The following PRRG2 variants were observed in gnomAD, a reference collection of about 807,000 sequenced individuals.
PRRG2 encodes proline rich and Gla domain 2.
PRRG2 carries 23 observed loss-of-function variants against 27.1 expected under a neutral mutation model. The observed-to-expected ratio is 0.85, with a 90% confidence interval of 0.61 to 1.20. The LOEUF (loss-of-function observed/expected upper bound fraction) is 1.20, where lower values mean the gene tolerates loss of function less well. Ranked by LOEUF, PRRG2 falls within the 50% of genes most tolerant of loss-of-function variation. PRRG2 has a pLI of 0.00. For synonymous variants in PRRG2, 104 were observed against 103.4 expected, an observed-to-expected ratio of 1.01 and a Z score of -0.03; for missense variants, 276 against 254.8, an observed-to-expected ratio of 1.08 and a Z score of -0.57.
chr19:49,584,544 C>T (rs1347096590), intron 4 of PRRG2, among the ~76,000 whole-genome samples: 1 of 152,186 alleles, frequency 6.6e-6, no homozygotes, highest in Non-Finnish European at 1.5e-5. Flanking sequence ...TCTTGGCTCA[C>T]TGCAGCCTCA....
upstream of PRRG2, chr19:49,580,753 G>A (rs965540283): frequency 5.3e-5 from 8 of 152,236 alleles, no homozygotes; most frequent in African/African-American, 1.7e-4. Context: ...GTGGGAATAT[G>A]GGGAACGCTT....
chr19:49,582,367 C>T (rs1422977014), intron 1 of PRRG2, among the ~76,000 whole-genome samples: 1 of 151,938 alleles, frequency 6.6e-6, no homozygotes, highest in African/African-American at 2.4e-5. Context: ...CCTCTGTCTC[C>T]CCTTTCAAGT....
In PRRG2 at chr19:49,588,094, T is replaced by A. The variant is rs532269971; in HGVS notation, c.302-403T>A. Among the ~76,000 whole-genome samples, 4 of 152,122 alleles carry A rather than the reference T, an allele frequency of 2.6e-5. No homozygotes were observed. The East Asian group carries it at 7.8e-4, about 30-fold the overall frequency. ...CTCCTGTGTCAGCCTCCCAGATAAC[T>A]GGGATTACAGGCATATACCACCATG... On this transcript the variant is annotated intron_variant, in intron 4 of 6. Transcript: ENST00000246794.
At chr19:49,587,372 C>T (rs2080678864) in intron 4 of PRRG2, among the ~76,000 whole-genome samples, 1 of 144,490 alleles carries the variant, frequency 6.9e-6, no homozygotes, top group Admixed American at 7.0e-5. Flanking sequence ...TCTCTGTCAT[C>T]CAGCCTGGAG....
chr19:49,583,491 T>C, intron 2 of PRRG2, 51 bp from the exon 3 acceptor site: 1 of 1,598,626 alleles, frequency 6.3e-7, no homozygotes, highest in East Asian at 2.2e-5. Flanking sequence ...CCCCTATGAC[T>C]CCAGCCCTAG....
At chr19:49,588,725 G>A in intron 5 of PRRG2, 93 bp downstream of exon 5, 1 of 1,393,022 alleles carries the variant, frequency 7.2e-7, no homozygotes, top group Non-Finnish European at 9.4e-7. Flanking sequence ...TTGGGGGCAG[G>A]CAGGCACTGA....
Position 49,583,233 on chromosome 19 carries a change from C to A in PRRG2, c.14C>A (p.Pro5His). ...TGTCTGGAAAATATGAGGGGCCACC[C>A]CTCTCTGCTGCTGCTATATATGGCA... is the stretch of plus-strand genomic sequence containing the variant. MRGH[P>H]SLLLLYMALT... is the part of the protein sequence containing the mutation. Residue 5 changes from proline (P) to histidine (H), a missense_variant, in exon 2 of 7, where the codon CCC becomes CAC. Pro to His is a moderately conservative substitution (Grantham distance 77). Transcript: ENST00000246794. The A allele has an allele frequency of 6.2e-7, 1 of 1,614,026 alleles. No homozygotes were observed. Among genetic ancestry groups the A allele is most frequent in the South Asian group, 1.1e-5 (1 of 91,072 alleles).
intron 4 of PRRG2, among the ~76,000 whole-genome samples, chr19:49,585,042 TCTTGTTGCCAGC>T (rs1242198138): frequency 2.6e-5 from 4 of 152,132 alleles, no homozygotes; most frequent in African/African-American, 7.2e-5. Flanking sequence ...CTTGTTCCCA[TCTTGTTGCCAGC>T]CTTGTTGCTA....
intron 3 of PRRG2, 93 bp from the exon 4 acceptor site, chr19:49,583,820 G>T (rs951837522): frequency 1.9e-6 from 3 of 1,603,760 alleles, no homozygotes; most frequent in African/African-American, 2.7e-5. Flanking sequence ...CCTCCTTGGT[G>T]TCTCAGAAAT....
At chr19:49,590,216 A>G in intron 6 of PRRG2, 155 bp from the exon 7 acceptor site, 3 of 1,427,870 alleles carry the variant, frequency 2.1e-6, no homozygotes, top group Non-Finnish European at 2.9e-6. Context: ...GGCGTGGCCC[A>G]GCGTTGTATG....
chr19:49,589,966 C>A lies in PRRG2; in HGVS notation c.504C>A (p.Pro168=). 6.5e-7 allele frequency: 1 copy of A among 1,540,462 alleles called. No homozygotes were observed. Residue 168 remains proline, a synonymous_variant, in exon 6 of 7, where the codon CCC becomes CCA. Coordinates refer to ENST00000246794, the MANE Select transcript of PRRG2 (RefSeq NM_000951.3). ...GCCCACCGACGCCCCTGCCTCCACC[C>A]CCACCCCCACCCCCAGGCCTCCCCA... ...PLGPPTPLPP[P]PPPPPGLPTY...
intron 6 of PRRG2, 63 bp downstream of exon 6, chr19:49,590,115 C>G: frequency 1.4e-6 from 2 of 1,440,964 alleles, no homozygotes; most frequent in Non-Finnish European, 1.8e-6. Flanking sequence ...GGAGGAGGAA[C>G]CTGGGCTCAG....
At position 49,590,409 on chromosome 19, in the gene PRRG2, G is replaced by A; in HGVS notation, c.*20G>A. The A allele has an allele frequency of 1.2e-6, 2 of 1,614,060 alleles. No homozygotes were observed. Among genetic ancestry groups the A allele is most frequent in the African/African-American group, 1.3e-5 (1 of 75,038 alleles). ...CACTGAAGAGCTGCTTTCGAGACCC[G>A]GCTCTCCGAACCGTGCCCCTGATTC... On this transcript the variant is annotated 3_prime_UTR_variant, in exon 7 of 7. Coordinates refer to ENST00000246794, the MANE Select transcript of PRRG2 (RefSeq NM_000951.3).
At chr19:49,584,331 C>T (rs1395229212) in intron 4 of PRRG2, among the ~76,000 whole-genome samples, 3 of 151,918 alleles carry the variant, frequency 2.0e-5, no homozygotes, top group African/African-American at 4.8e-5. Flanking sequence ...CCACCACACC[C>T]GGCTAATTTT....
chr19:49,584,013 G>C (rs761149010), intron 4 of PRRG2, 61 bp downstream of exon 4: 6 of 1,511,184 alleles, frequency 4.0e-6, no homozygotes, highest in Non-Finnish European at 5.4e-6. Flanking sequence ...TCCCAGCGAG[G>C]CCAAACCAAC....
Position 49,581,349 on chromosome 19 carries a change from C to T in PRRG2, c.-146C>T, listed in dbSNP as rs1048431242. 1 of 152,300 alleles carries T rather than the reference C, an allele frequency of 6.6e-6. No homozygotes were observed. Among genetic ancestry groups the T allele is most frequent in the African/African-American group, 2.4e-5 (1 of 41,442 alleles). The allele number at this position is 152,300 out of a possible 1,614,324, so 9.4% of individuals were successfully genotyped here. On this transcript the variant is annotated 5_prime_UTR_variant, in exon 1 of 7. Transcript: ENST00000246794. ...CCACCTGCCAGAAACGGGGATCAGGCCTGGTTACCGGGAGTGGGGCGCCCC... is the reference window on the plus strand; with the variant it reads ...CCACCTGCCAGAAACGGGGATCAGGTCTGGTTACCGGGAGTGGGGCGCCCC...
intron 1 of PRRG2, among the ~76,000 whole-genome samples, chr19:49,582,846 T>A (rs1030681601): frequency 1.2e-4 from 18 of 151,580 alleles, no homozygotes; most frequent in Admixed American, 9.9e-4. Flanking sequence ...CTAGCCTGGG[T>A]GACAGAGCGA....
Position 49,583,734 on chromosome 19 carries a change from C to T in PRRG2, c.261+17C>T, listed in dbSNP as rs1260519973. ...ACTCTCACGGTGAGGGCCTCGAGAC[C>T]CTGGAGTTTCGGGCCCTCTCTCTTC... On this transcript the variant is annotated intron_variant, in intron 3 of 6. Coordinates refer to ENST00000246794, the MANE Select transcript of PRRG2 (RefSeq NM_000951.3). The T allele has an allele frequency of 6.2e-7, 1 of 1,612,498 alleles. No homozygotes were observed. Among genetic ancestry groups the T allele is most frequent in the African/African-American group, 1.3e-5 (1 of 74,934 alleles).
At chr19:49,589,455 A>T (rs552678639) in intron 5 of PRRG2, among the ~76,000 whole-genome samples, 1 of 146,826 alleles carries the variant, frequency 6.8e-6, no homozygotes, top group African/African-American at 2.5e-5. Context: ...TTAAAAAAAG[A>T]CAAAGTCTCA....
Sources: gnomAD v4.1 joint callset for allele counts (sites outside exome capture counted in the v4.1 genomes callset) on GRCh38, gnomAD v4.1.1 for gene constraint, MANE v1.5 for transcripts, NCBI Gene and HGNC (gene_info 2026-07-23, HGNC 2026-07-21) for gene names.